The following GNL3L variants were observed in gnomAD, a reference collection of about 807,000 sequenced individuals.
GNL3L encodes guanine nucleotide-binding protein-like 3-like protein.
Under a neutral mutation model 42.9 loss-of-function variants are expected in GNL3L, and 4 were observed. The observed-to-expected ratio is 0.09, with a 90% CI of 0.05 to 0.21. GNL3L has a LOEUF of 0.21. GNL3L is among the 10% of genes least tolerant of loss of function. The pLI, the probability that GNL3L is intolerant of heterozygous loss-of-function variation, is 1.00. For synonymous variants in GNL3L, 159 were observed against 176.3 expected (o/e 0.90, Z 0.78); for missense variants, 412 against 481.7 (o/e 0.86, Z 1.36).
intron 16 of GNL3L, among the ~76,000 whole-genome samples, chrX:54,580,359 G>A (rs928349002): frequency 5.5e-5 from 6 of 109,611 alleles, no homozygotes; most frequent in Non-Finnish European, 7.6e-5. Context: ...TAGTATTCCC[G>A]TGGTGTATAT....
downstream of GNL3L, among the ~76,000 whole-genome samples, chrX:54,625,860 T>C (rs1363058391): frequency 1.9e-5 from 2 of 106,104 alleles, no homozygotes; most frequent in Non-Finnish European, 3.8e-5. Context: ...TGACAAAATA[T>C]ATGTGTATAT....
intron 16 of GNL3L, among the ~76,000 whole-genome samples, chrX:54,573,415 G>A (rs1390405477): frequency 8.9e-6 from 1 of 112,338 alleles, no homozygotes; most frequent in African/African-American, 3.2e-5. Flanking sequence ...GCTGAGGCAG[G>A]AGAATCAGGC....
chrX:54,627,207 C>T, the GNL3L span, among the ~76,000 whole-genome samples: 1 of 111,143 alleles, frequency 9.0e-6, no homozygotes, highest in Admixed American at 9.6e-5. Context: ...TGGGGTTTCA[C>T]CATGTTGGCC....
intron 16 of GNL3L, among the ~76,000 whole-genome samples, chrX:54,577,334 A>G (rs1398976151): frequency 8.9e-6 from 1 of 112,133 alleles, no homozygotes; most frequent in Non-Finnish European, 1.9e-5. Context: ...GCATATATTC[A>G]AGGTGTACAG....
At chrX:54,623,669 CT>C (rs1237840253), downstream of GNL3L, among the ~76,000 whole-genome samples, 3 of 111,784 alleles carry the variant, frequency 2.7e-5, no homozygotes, top group Non-Finnish European at 5.6e-5. Context: ...TGGGACTTGT[CT>C]TTTCATTTTT....
rs750526438 is a variant in GNL3L, at chrX:54,607,060, CTT to C, written c.*46-13783_*46-13782del. Among the ~76,000 whole-genome samples the C allele has an allele frequency of 6.7e-3, 249 of 37,072 alleles. 1 individual carries two copies. The highest frequency in any genetic ancestry group is 8.1e-3 in the Non-Finnish European group (160 of 19,740). The allele number at this position is 37,072 out of a possible 115,157, so 32.2% of individuals were successfully genotyped here. A position where few individuals can be genotyped will look rare whatever the true frequency, so the allele number is the denominator to read the frequency against. The stretch of plus-strand genomic sequence containing the variant: ...TCTTTCTTTCTTTCTTTCTTTCTTT[CTT>C]TCTTTCTTTCTCTTTCTTTCTTCTT... On this transcript the variant is annotated intron_variant, in intron 16 of 16. Coordinates refer to the GNL3L transcript ENST00000674498.
intron 16 of GNL3L, among the ~76,000 whole-genome samples, chrX:54,573,983 A>G (rs137983598): frequency 0.025 from 2,755 of 110,685 alleles, 44 homozygotes; most frequent in African/African-American, 0.059. Context: ...GATGCAGTTA[A>G]GTTATTCTGA....
At chrX:54,569,909 T>C (rs1925519513), downstream of GNL3L, among the ~76,000 whole-genome samples, 1 of 112,268 alleles carries the variant, frequency 8.9e-6, no homozygotes, top group Non-Finnish European at 1.9e-5. Flanking sequence ...TACATTATGG[T>C]AAAGGAATGT....
At chrX:54,609,050 G>A (rs1926133823) in intron 16 of GNL3L, among the ~76,000 whole-genome samples, 1 of 111,760 alleles carries the variant, frequency 8.9e-6, no homozygotes, top group African/African-American at 3.2e-5. Flanking sequence ...GGCCATTCTT[G>A]CAGGAGTAAG....
At chrX:54,586,777 G>A (rs1026043687) in intron 16 of GNL3L, among the ~76,000 whole-genome samples, 33 of 111,664 alleles carry the variant, frequency 3.0e-4, no homozygotes, top group African/African-American at 1.1e-3. Flanking sequence ...AGCTCAGCCC[G>A]GATCCAGCCC....
chrX:54,536,416 C>T (rs1219580926), intron 2 of GNL3L, among the ~76,000 whole-genome samples: 2 of 110,946 alleles, frequency 1.8e-5, no homozygotes, highest in Non-Finnish European at 3.8e-5. Flanking sequence ...GATTTCCTGC[C>T]CACCACTGTT....
At chrX:54,584,039 C>T (rs1022190531) in intron 16 of GNL3L, among the ~76,000 whole-genome samples, 1 of 110,227 alleles carries the variant, frequency 9.1e-6, no homozygotes, top group African/African-American at 3.3e-5. Context: ...AGACCCACAG[C>T]TAGTATCATA....
chrX:54,643,423 T>C, the GNL3L span, among the ~76,000 whole-genome samples: 2 of 111,184 alleles, frequency 1.8e-5, no homozygotes, highest in African/African-American at 3.3e-5. Context: ...ATTCCCTTTA[T>C]GGTTTTTGGG....
rs1447837075 is a variant in GNL3L, at chrX:54,562,793, G to GGA, written c.*2192_*2193dup. Among the ~76,000 whole-genome samples the GGA allele has an allele frequency of 2.8e-5, 3 of 105,406 alleles. No individual in the cohort carries two copies. Among genetic ancestry groups the GGA allele is most frequent in the African/African-American group, 1.0e-4 (3 of 28,897 alleles). The allele number at this position is 105,406 out of a possible 115,157, so 91.5% of individuals were successfully genotyped here. A position where few individuals can be genotyped will look rare whatever the true frequency, so the allele number is the denominator to read the frequency against. On this transcript the variant is annotated 3_prime_UTR_variant, in exon 16 of 16. Transcript: ENST00000360845. ...GGGGGACAGAGTGAGACTTCGTCTC[G>GGA]GAAAAAAAAAAAAAAAGTTGACAGG...
At chrX:54,574,639 T>C (rs1340296942) in intron 16 of GNL3L, among the ~76,000 whole-genome samples, 1 of 112,233 alleles carries the variant, frequency 8.9e-6, no homozygotes, top group Non-Finnish European at 1.9e-5. Flanking sequence ...ATGCTAGCCT[T>C]ATAGAATAAG....
intron 16 of GNL3L, among the ~76,000 whole-genome samples, chrX:54,607,000 CTTTCTTTCTTT>C (rs1484239759): frequency 2.8e-3 from 66 of 23,762 alleles, no homozygotes; most frequent in Middle Eastern, 0.017. Context: ...CCTTTCCTTT[CTTTCTTTCTTT>C]CTTTCTTTCT....
At position 54,548,355 on chromosome X, in the gene GNL3L, A is replaced by G; in HGVS notation, c.757A>G (p.Ile253Val). 3 of 1,206,003 alleles carry G rather than the reference A, an allele frequency of 2.5e-6. No homozygotes were observed. Among genetic ancestry groups the G allele is most frequent in the Non-Finnish European group, 3.4e-6 (3 of 891,067 alleles). ...CCGCCTTGGTGAAGTGCGCACCCAC[A>G]TTCGTGTGGGTGTTGTGGGTAAGAC... The part of the protein sequence containing the change: ...YCRLGEVRTH[I>V]RVGVVGLPNV... The change falls in exon 9 of 16, where the codon ATT (isoleucine) becomes GTT (valine). Residue 253 changes from isoleucine to valine, a missense_variant. Physicochemically the swap from Ile to Val is conservative, Grantham distance 29 (BLOSUM62 3). Transcript: ENST00000360845.
downstream of GNL3L, among the ~76,000 whole-genome samples, chrX:54,569,822 C>T (rs764717295): frequency 1.8e-5 from 2 of 112,104 alleles, no homozygotes; most frequent in South Asian, 7.2e-4. Context: ...TTTTGTATTA[C>T]TTAGAACTGT....
intron 13 of GNL3L, among the ~76,000 whole-genome samples, chrX:54,553,155 T>C (rs1031155810): frequency 8.9e-6 from 1 of 112,195 alleles, no homozygotes; most frequent in Non-Finnish European, 1.9e-5. Flanking sequence ...AGTAAATAGA[T>C]GCTCAGTAAA....
Sources: allele counts gnomAD v4.1 joint callset (sites outside exome capture counted in the v4.1 genomes callset), GRCh38; gene constraint gnomAD v4.1.1; transcripts MANE v1.5; gene names NCBI Gene and HGNC (gene_info 2026-07-23, HGNC 2026-07-21).